Variants in SH3PXD2A observed in about 807,000 individuals in gnomAD.
SH3PXD2A encodes SH3 and PX domains 2A.
SH3PXD2A carries 32 observed loss-of-function variants against 115.2 expected under a neutral mutation model. The ratio of observed to expected loss-of-function variants is 0.28; its 90% CI spans 0.21 to 0.37. SH3PXD2A has a LOEUF of 0.37. SH3PXD2A is among the 10% of genes least tolerant of loss of function. SH3PXD2A has a pLI of 1.00. For missense variants in SH3PXD2A, 1,328 were observed against 1,498.7 expected (o/e 0.89, Z 1.88); for synonymous variants, 610 against 629.1 (o/e 0.97, Z 0.45).
chr10:103,618,773 T>G (rs2036559177), intron 10 of SH3PXD2A, among the ~76,000 whole-genome samples: 2 of 152,176 alleles, frequency 1.3e-5, no homozygotes, highest in African/African-American at 4.8e-5. Flanking sequence ...CTCCCAGCTG[T>G]GACAGCCACC....
intron 1 of SH3PXD2A, among the ~76,000 whole-genome samples, chr10:103,835,274 C>T (rs1216024286): frequency 2.0e-5 from 3 of 152,222 alleles, no homozygotes; most frequent in Non-Finnish European, 4.4e-5. Context: ...TGGGATTTCC[C>T]ACTGCTCTGA....
Position 103,613,204 on chromosome 10 carries a change from C to G in SH3PXD2A, c.921-14G>C. The G allele has an allele frequency of 6.4e-7, 1 of 1,572,244 alleles. No homozygotes were observed. Among genetic ancestry groups the G allele is most frequent in the African/African-American group, 1.4e-5 (1 of 73,500 alleles). On this transcript the variant is annotated splice_polypyrimidine_tract_variant and intron_variant, in intron 11 of 14. Coordinates refer to ENST00000369774, the MANE Select transcript of SH3PXD2A (RefSeq NM_001394015.1). ...TTGCCCAGGTATCTGTGGGGAGGAG[C>G]AGGATGTGCTATCATTAGAGCACTC... is the stretch of plus-strand genomic sequence containing the variant.
intron 1 of SH3PXD2A, among the ~76,000 whole-genome samples, chr10:103,850,667 G>A (rs374185079): frequency 5.9e-5 from 9 of 152,218 alleles, no homozygotes; most frequent in East Asian, 3.8e-4. Context: ...CTCCAGGTCT[G>A]AACAGCTGCT....
chr10:103,847,515 G>C (rs1278811728), intron 1 of SH3PXD2A, among the ~76,000 whole-genome samples: 5 of 151,978 alleles, frequency 3.3e-5, no homozygotes, highest in Non-Finnish European at 7.4e-5. Context: ...TGTAGAGATG[G>C]GGTCTTGCTA....
intron 7 of SH3PXD2A, among the ~76,000 whole-genome samples, chr10:103,661,360 C>G (rs891768888): frequency 1.3e-5 from 2 of 152,156 alleles, no homozygotes; most frequent in Admixed American, 1.3e-4. Context: ...GGGGAGGGGA[C>G]GGGCAGGAGG....
At position 103,599,941 on chromosome 10, in the gene SH3PXD2A, G is replaced by T. The variant is rs976836639; in HGVS notation, c.*1875C>A. 2 of 152,444 alleles carry T rather than the reference G, an allele frequency of 1.3e-5. No individual in the cohort carries two copies. Among genetic ancestry groups the T allele is most frequent in the Non-Finnish European group, 2.9e-5 (2 of 68,056 alleles). 9.4% of individuals were successfully genotyped at this position (152,444 alleles called of 1,614,324 possible). ...CTCTAGCTGCCAGGCATCAGTGTAT[G>T]GCGAGGGACAGGGGCTTAGGGTTGC... On this transcript the variant is annotated 3_prime_UTR_variant, in exon 15 of 15. Coordinates refer to ENST00000369774, the MANE Select transcript of SH3PXD2A (RefSeq NM_001394015.1).
intron 1 of SH3PXD2A, among the ~76,000 whole-genome samples, chr10:103,810,906 GGACACACACACACGGA>G: frequency 3.0e-5 from 1 of 33,042 alleles, no homozygotes; most frequent in East Asian, 5.3e-4. Flanking sequence ...ACAGAAACAT[GGACACACACACACGGA>G]GACACACACA....
chr10:103,632,084 T>C (rs1592272691), intron 8 of SH3PXD2A, among the ~76,000 whole-genome samples: 1 of 152,136 alleles, frequency 6.6e-6, no homozygotes, highest in South Asian at 2.1e-4. Flanking sequence ...AGAGGATGGC[T>C]TGGGCACGGG....
At chr10:103,694,144 G>C (rs1188479477) in intron 5 of SH3PXD2A, among the ~76,000 whole-genome samples, 1 of 152,244 alleles carries the variant, frequency 6.6e-6, no homozygotes, top group Admixed American at 6.5e-5. Flanking sequence ...AACAGTGGAG[G>C]GGCTGGCTGG....
At position 103,602,257 on chromosome 10, in the gene SH3PXD2A, T is replaced by G. The variant is rs899125372; in HGVS notation, c.2961A>C (p.Pro987=). ...CGCAGGACAGGTTGTTGTCCTTGGG[T>G]GGCGGGGACACAAACACCGACTGGG... is the stretch of plus-strand genomic sequence containing the variant. ...VRPQSVFVSP[P]PKDNNLSCAL... Residue 987 remains proline (P), a synonymous_variant, in exon 15 of 15, where the codon CCA becomes CCC. Coordinates refer to ENST00000369774, the MANE Select transcript of SH3PXD2A (RefSeq NM_001394015.1). 6.2e-7 allele frequency: 1 copy of G among 1,611,764 alleles called. No homozygotes were observed. Among genetic ancestry groups the G allele is most frequent in the Admixed American group, 1.7e-5 (1 of 59,858 alleles).
intron 1 of SH3PXD2A, among the ~76,000 whole-genome samples, chr10:103,841,145 G>A (rs183007421): frequency 1.0e-3 from 154 of 152,296 alleles, no homozygotes; most frequent in Admixed American, 6.1e-3. Flanking sequence ...CGGAGGGGAA[G>A]GGGCTTTAGT....
intron 2 of SH3PXD2A, among the ~76,000 whole-genome samples, chr10:103,797,142 G>T (rs979341187): frequency 6.6e-6 from 1 of 152,140 alleles, no homozygotes; most frequent in African/African-American, 2.4e-5. Flanking sequence ...GGGATTACAG[G>T]CATGAACCAC....
chr10:103,699,105 C>T (rs1042688843), intron 5 of SH3PXD2A, among the ~76,000 whole-genome samples: 1 of 152,038 alleles, frequency 6.6e-6, no homozygotes, highest in Admixed American at 6.5e-5. Context: ...GAGAGGTTGA[C>T]AGCTGGGGGT....
intron 3 of SH3PXD2A, among the ~76,000 whole-genome samples, chr10:103,762,484 G>T (rs963648801): frequency 6.6e-6 from 1 of 152,194 alleles, no homozygotes; most frequent in East Asian, 1.9e-4. Flanking sequence ...ATAGGCCTGG[G>T]GGGGCTCCCT....
intron 6 of SH3PXD2A, among the ~76,000 whole-genome samples, chr10:103,675,319 A>G (rs2037518917): frequency 6.6e-6 from 1 of 152,212 alleles, no homozygotes; most frequent in Admixed American, 6.5e-5. Context: ...GATCCTGCAA[A>G]TTATGTAGCT....
intron 3 of SH3PXD2A, among the ~76,000 whole-genome samples, chr10:103,759,059 C>G (rs7907035): frequency 0.57 from 85,932 of 151,932 alleles, 24,843 homozygotes; most frequent in African/African-American, 0.69. Flanking sequence ...GCCCAGGGAG[C>G]GGGCCACGGA....
At chr10:103,829,358 C>A (rs2039463457) in intron 1 of SH3PXD2A, among the ~76,000 whole-genome samples, 1 of 152,142 alleles carries the variant, frequency 6.6e-6, no homozygotes, top group South Asian at 2.1e-4. Flanking sequence ...GTTAAAGAGG[C>A]TCTCTGAGTT....
rs535008150 is a variant in SH3PXD2A, at chr10:103,703,080, G to C, written c.399-10024C>G. Among the ~76,000 whole-genome samples, 113 of 152,316 alleles carry C rather than the reference G, an allele frequency of 7.4e-4. No homozygotes were observed. The Middle Eastern group carries it at 0.01, about 14-fold the overall frequency. On this transcript the variant is annotated intron_variant, in intron 5 of 14. Coordinates refer to ENST00000369774, the MANE Select transcript of SH3PXD2A (RefSeq NM_001394015.1). ...ACCTGAGACTGGGAGCTTGGGCCAA[G>C]GAGCTCCCTATTTCCCATGGAGGCC...
At chr10:103,821,276 A>G (rs897920522) in intron 1 of SH3PXD2A, among the ~76,000 whole-genome samples, 1 of 150,768 alleles carries the variant, frequency 6.6e-6, no homozygotes, top group African/African-American at 2.4e-5. Context: ...CCAAGTAGCT[A>G]ATTTTACATA....
Sources: gnomAD v4.1 joint callset for allele counts (sites outside exome capture counted in the v4.1 genomes callset) on GRCh38, gnomAD v4.1.1 for gene constraint, MANE v1.5 for transcripts, NCBI Gene and HGNC (gene_info 2026-07-23, HGNC 2026-07-21) for gene names.